Variants in SPATA16 observed in about 807,000 individuals in gnomAD.
SPATA16 encodes the protein spermatogenesis associated 16.
In SPATA16, 36 loss-of-function variants were observed where a neutral mutation model predicts 63.3. That is an observed-to-expected ratio of 0.57 (90% CI 0.44 to 0.75). The LOEUF (loss-of-function observed/expected upper bound fraction) is 0.75. Among genes scored for constraint, SPATA16 ranks in the 30% least tolerant of loss-of-function variants. The pLI is 0.00. For missense variants in SPATA16, 646 were observed against 679.3 expected (o/e 0.95, Z 0.54); for synonymous variants, 203 against 216.7 (o/e 0.94, Z 0.56).
At chr3:173,047,194 G>A (rs1024946209) in intron 3 of SPATA16, among the ~76,000 whole-genome samples, 8 of 149,952 alleles carry the variant, frequency 5.3e-5, no homozygotes, top group African/African-American at 2.0e-4. Flanking sequence ...TTGATCTTTC[G>A]TTCTCATTAC....
chr3:172,949,495 A>G (rs1420870823), intron 6 of SPATA16, among the ~76,000 whole-genome samples: 2 of 152,186 alleles, frequency 1.3e-5, no homozygotes, highest in South Asian at 2.1e-4. Flanking sequence ...TAAAATTGTT[A>G]TATACTACTG....
rs375659384 is a variant in SPATA16, at chr3:172,914,372, C to T, written c.1504-628G>A. The stretch of plus-strand genomic sequence containing the variant: ...CCTGTACACATGGTGTGTATTTGAC[C>T]ACGAAAGTGAAATGAAGTTACATCA... On this transcript the variant is annotated intron_variant, in intron 9 of 10. Transcript: ENST00000351008. Among the ~76,000 whole-genome samples the T allele has an allele frequency of 5.9e-5, 9 of 152,104 alleles. 1 individual carries two copies. Among genetic ancestry groups the T allele is most frequent in the Admixed American group, 1.3e-4 (2 of 15,266 alleles).
At chr3:172,897,962 A>G (rs1054092790) in intron 10 of SPATA16, among the ~76,000 whole-genome samples, 1 of 152,066 alleles carries the variant, frequency 6.6e-6, no homozygotes, top group Admixed American at 6.6e-5. Flanking sequence ...TTTTTAAATC[A>G]TAAATGAGTG....
intron 1 of SPATA16, among the ~76,000 whole-genome samples, chr3:173,123,723 C>G (rs942536330): frequency 7.3e-5 from 11 of 151,678 alleles, no homozygotes; most frequent in African/African-American, 2.7e-4. Flanking sequence ...CCTGCCTCAG[C>G]CTCCCGAGTA....
intron 6 of SPATA16, among the ~76,000 whole-genome samples, chr3:172,952,241 GTTGTAT>G: frequency 6.6e-6 from 1 of 152,292 alleles, no homozygotes; most frequent in East Asian, 1.9e-4. Context: ...GCAAGAACTT[GTTGTAT>G]ACACTGTAGA....
intron 2 of SPATA16, among the ~76,000 whole-genome samples, chr3:173,116,276 C>A (rs957082437): frequency 3.3e-5 from 5 of 152,116 alleles, no homozygotes; most frequent in East Asian, 1.9e-4. Flanking sequence ...TCATTCATTT[C>A]TTTTTAAATA....
intron 2 of SPATA16, among the ~76,000 whole-genome samples, chr3:173,071,295 T>G (rs1577159725): frequency 6.6e-6 from 1 of 152,302 alleles, no homozygotes; most frequent in East Asian, 1.9e-4. Context: ...TCTCTTGCCA[T>G]ATACAAAAAT....
chr3:172,970,878 A>G (rs1734032947), intron 5 of SPATA16, among the ~76,000 whole-genome samples: 1 of 152,158 alleles, frequency 6.6e-6, no homozygotes, highest in Non-Finnish European at 1.5e-5. Flanking sequence ...TTTCATGTTG[A>G]AGATTTTATA....
intron 2 of SPATA16, among the ~76,000 whole-genome samples, chr3:173,116,346 T>G (rs1737899088): frequency 6.6e-6 from 1 of 152,246 alleles, no homozygotes; most frequent in African/African-American, 2.4e-5. Context: ...AAGATAGTTT[T>G]GTAAAATAAA....
chr3:173,056,489 G>A (rs1736226113), intron 2 of SPATA16, among the ~76,000 whole-genome samples: 1 of 151,946 alleles, frequency 6.6e-6, no homozygotes. Context: ...GATCGCCTGA[G>A]GTCAGGAATT....
intron 3 of SPATA16, among the ~76,000 whole-genome samples, chr3:173,029,418 TTTGTTTGTTTTGTTG>T (rs2108282860): frequency 8.1e-6 from 1 of 123,382 alleles, no homozygotes; most frequent in East Asian, 4.3e-4. Context: ...TTTTTTTTTG[TTTGTTTGTTTTGTTG>T]TTGTTTGTTT....
intron 2 of SPATA16, among the ~76,000 whole-genome samples, chr3:173,069,257 A>G (rs1001175713): frequency 3.9e-5 from 6 of 152,136 alleles, no homozygotes; most frequent in African/African-American, 1.4e-4. Flanking sequence ...CTAAGAAAAA[A>G]AGAAAGAAGA....
chr3:172,975,562 G>C (rs538407176), intron 5 of SPATA16, among the ~76,000 whole-genome samples: 5 of 151,840 alleles, frequency 3.3e-5, no homozygotes, highest in African/African-American at 1.2e-4. Flanking sequence ...TTTCCCATCT[G>C]GCATTTTTAA....
At chr3:173,105,176 T>A (rs1737589296) in intron 2 of SPATA16, among the ~76,000 whole-genome samples, 1 of 152,200 alleles carries the variant, frequency 6.6e-6, no homozygotes. Context: ...TACATAAAAT[T>A]TTGCAGTAAA....
chr3:173,119,151 G>A (rs1737989928), intron 1 of SPATA16, among the ~76,000 whole-genome samples: 1 of 152,050 alleles, frequency 6.6e-6, no homozygotes, highest in South Asian at 2.1e-4. Flanking sequence ...ACTGGGGCCT[G>A]TCGAGGGGGT....
chr3:172,909,142 T>C (rs188798520), intron 10 of SPATA16, among the ~76,000 whole-genome samples: 2 of 152,336 alleles, frequency 1.3e-5, no homozygotes, highest in Non-Finnish European at 2.9e-5. Context: ...CTGTACTGTG[T>C]TTCAGCCTTG....
At chr3:172,933,375 T>C (rs1410856464) in intron 6 of SPATA16, among the ~76,000 whole-genome samples, 1 of 152,176 alleles carries the variant, frequency 6.6e-6, no homozygotes, top group Non-Finnish European at 1.5e-5. Flanking sequence ...ATCCATGCCA[T>C]TTCCCTCGGT....
At position 172,949,918 on chromosome 3, in the gene SPATA16, A is replaced by C. The variant is rs369219195; in HGVS notation, c.1081+6759T>G. 9.2e-5 allele frequency among the ~76,000 whole-genome samples: 14 copies of C among 152,238 alleles called. 3 individuals are homozygous for C. The highest frequency in any genetic ancestry group is 2.6e-4 in the Admixed American group (4 of 15,290). On this transcript the variant is annotated intron_variant, in intron 6 of 10. Coordinates refer to ENST00000351008, the MANE Select transcript of SPATA16 (RefSeq NM_031955.6). ...AATGTTTGTGTTTATGTACATGTGC[A>C]TTTTACAAGGTTTTGCTGAGCATTA...
chr3:172,967,542 A>T (rs1415025089), intron 5 of SPATA16, among the ~76,000 whole-genome samples: 1 of 152,156 alleles, frequency 6.6e-6, no homozygotes, highest in East Asian at 1.9e-4. Context: ...TGCAGTGGCT[A>T]TTCATGGGTG....
Sources: allele counts gnomAD v4.1 joint callset (sites outside exome capture counted in the v4.1 genomes callset), GRCh38; gene constraint gnomAD v4.1.1; transcripts MANE v1.5; gene names NCBI Gene and HGNC (gene_info 2026-07-23, HGNC 2026-07-21).